The following PHC2 variants were observed in gnomAD, a reference collection of about 807,000 sequenced individuals.
The protein encoded by PHC2 is polyhomeotic-like protein 2.
In PHC2, 29 loss-of-function variants were observed where a neutral mutation model predicts 87.4. The observed-to-expected ratio is 0.33, with a 90% CI of 0.25 to 0.45. PHC2 has a LOEUF of 0.45. Ranked by LOEUF, PHC2 falls within the 20% of genes least tolerant of loss-of-function variation. The pLI, the probability that PHC2 is intolerant of heterozygous loss-of-function variation, is 1.00. For missense variants in PHC2, 857 were observed against 1,136.7 expected (o/e 0.75, Z 3.54); for synonymous variants, 438 against 461.7 (o/e 0.95, Z 0.66).
At chr1:33,327,480 T>C (rs1646396982) in intron 14 of PHC2, among the ~76,000 whole-genome samples, 1 of 152,178 alleles carries the variant, frequency 6.6e-6, no homozygotes, top group Non-Finnish European at 1.5e-5. Flanking sequence ...CTACATGGCT[T>C]GTCTCTGAAT....
At chr1:33,419,446 C>T (rs572593632) in intron 1 of PHC2, among the ~76,000 whole-genome samples, 7 of 152,286 alleles carry the variant, frequency 4.6e-5, no homozygotes, top group East Asian at 1.9e-4. Context: ...GGAGGTTCTA[C>T]GGAAGAATCT....
rs1368357927 is a variant in PHC2 at position 33,332,417 on chromosome 1, T to G, written c.1762-13A>C. 6.2e-7 allele frequency: 1 copy of G among 1,613,946 alleles called. No individual in the cohort carries two copies. The highest frequency in any genetic ancestry group is 8.5e-7 in the Non-Finnish European group (1 of 1,179,924). On this transcript the variant is annotated splice_polypyrimidine_tract_variant and intron_variant, in intron 10 of 14. Transcript: ENST00000683057. The surrounding 1 kb of genome is among the most constrained non-coding windows in gnomAD (Gnocchi z 4.2). ...ACGAGCGTCCCACCTAGAGGACAGG[T>G]AACACGGAGGCCGTGAGGGTCAGGT...
At chr1:33,356,913 C>T (rs537099763) in intron 7 of PHC2, among the ~76,000 whole-genome samples, 5 of 152,266 alleles carry the variant, frequency 3.3e-5, no homozygotes, top group South Asian at 2.1e-4. Flanking sequence ...GGCGGCCGGG[C>T]GGGGGCTGCC....
chr1:33,374,814 T>A (rs572282506), intron 2 of PHC2, among the ~76,000 whole-genome samples: 1 of 152,324 alleles, frequency 6.6e-6, no homozygotes, highest in East Asian at 1.9e-4. Context: ...AACTACAGAA[T>A]TGTGCCTAAT....
At chr1:33,390,377 TA>T (rs1390355693) in intron 1 of PHC2, among the ~76,000 whole-genome samples, 2 of 152,226 alleles carry the variant, frequency 1.3e-5, no homozygotes, top group African/African-American at 4.8e-5. Context: ...GTTACTAGAG[TA>T]AATTCCATTA....
chr1:33,354,942 T>C lies in PHC2; in HGVS notation c.1288A>G (p.Thr430Ala). The C allele has an allele frequency of 6.2e-7, 1 of 1,614,156 alleles. No individual in the cohort carries two copies. The highest frequency in any genetic ancestry group is 8.5e-7 in the Non-Finnish European group (1 of 1,180,034). ...TCGGGATGTCCATTCTGAGGCCCAG[T>C]ATCAGGTGTGGGAGGGTGACACTGC... ...SQQCHPPTPD[T>A]GPQNGHPEGV... is the part of the protein sequence containing the mutation. Residue 430 changes from threonine to alanine, a missense_variant, in exon 8 of 15, where the codon ACT becomes GCT. Physicochemically the swap from Thr to Ala is moderately conservative, Grantham distance 58. Transcript: ENST00000683057.
intron 7 of PHC2, among the ~76,000 whole-genome samples, chr1:33,356,862 G>GGTT (rs1413361320): frequency 6.6e-6 from 1 of 152,110 alleles, no homozygotes; most frequent in Non-Finnish European, 1.5e-5. Flanking sequence ...TCCCAGACAG[G>GGTT]GCGGCCAGGC....
intron 7 of PHC2, among the ~76,000 whole-genome samples, chr1:33,360,491 T>C (rs1470144140): frequency 3.3e-5 from 5 of 152,364 alleles, no homozygotes; most frequent in Admixed American, 2.0e-4. Context: ...GATAAATTGC[T>C]CAACCTCTCT....
In PHC2 at chr1:33,382,055, C is replaced by T. The variant is rs1648520064; in HGVS notation, c.-54-6462G>A. ...AGGTGAAGTTTGCCCTGCAGAGAAA[C>T]CAGAAGCTAGGGTCCTGCCATATGT... is the stretch of plus-strand genomic sequence containing the variant. On this transcript the variant is annotated intron_variant, in intron 1 of 14. Coordinates refer to ENST00000683057, the MANE Select transcript of PHC2 (RefSeq NM_001385109.1). The surrounding 1 kb of genome is among the most constrained non-coding windows in gnomAD (Gnocchi z 4.3). Among the ~76,000 whole-genome samples, 1 of 152,056 alleles carries T rather than the reference C, an allele frequency of 6.6e-6. No individual in the cohort carries two copies. The highest frequency in any genetic ancestry group is 2.1e-4 in the South Asian group (1 of 4,802).
In PHC2 at chr1:33,349,802, G is replaced by C. The variant is rs1646927268; in HGVS notation, c.1558+4599C>G. The C allele has an allele frequency of 5.1e-6, 5 of 976,260 alleles. No homozygotes were observed. The East Asian group carries it at 4.7e-4, about 91-fold the overall frequency. 60.5% of individuals were successfully genotyped at this position (976,260 alleles called of 1,614,324 possible). A position where few individuals can be genotyped will look rare whatever the true frequency, so the allele number is the denominator to read the frequency against. On this transcript the variant is annotated intron_variant, in intron 9 of 14. Coordinates refer to ENST00000683057, the MANE Select transcript of PHC2 (RefSeq NM_001385109.1). The surrounding 1 kb of genome is among the most constrained non-coding windows in gnomAD (Gnocchi z 4.2). ...GGCGGCCGGGGCGCGAGGCCGGGAC[G>C]GGGGCGCGAGGCCGGGGCGGGAGCG...
chr1:33,397,942 CTT>C lies in PHC2; in HGVS notation c.-54-22351_-54-22350del, dbSNP rs763836110. On this transcript the variant is annotated intron_variant, in intron 1 of 14. Transcript: ENST00000683057. ...GGAGGCATGCTTTTCACCGTATACT[CTT>C]TTGAATCTTTTGGACTTTGTTCCCT... is the stretch of plus-strand genomic sequence containing the variant. 1.7e-4 allele frequency among the ~76,000 whole-genome samples: 26 copies of C among 152,210 alleles called. No homozygotes were observed. In the East Asian group the frequency reaches 4.3e-3, roughly 25 times the overall value.
At chr1:33,418,406 T>C (rs1263032028) in intron 1 of PHC2, among the ~76,000 whole-genome samples, 7 of 152,028 alleles carry the variant, frequency 4.6e-5, no homozygotes, top group African/African-American at 1.7e-4. Flanking sequence ...TCACCAGTGA[T>C]AGGAATGAAA....
chr1:33,375,084 G>A (rs1392253491), intron 2 of PHC2, among the ~76,000 whole-genome samples: 1 of 152,188 alleles, frequency 6.6e-6, no homozygotes, highest in Non-Finnish European at 1.5e-5. Context: ...TAGAGAGTGG[G>A]TCTGGGTTGT....
intron 1 of PHC2, among the ~76,000 whole-genome samples, chr1:33,427,709 T>G (rs188710391): frequency 5.9e-5 from 9 of 152,370 alleles, no homozygotes; most frequent in Admixed American, 3.3e-4. Flanking sequence ...AGCTCAAAAC[T>G]TTTTCTTCTC....
Position 33,334,139 on chromosome 1 carries a change from G to C in PHC2, c.1712C>G (p.Thr571Arg). Residue 571 changes from threonine to arginine, a missense_variant, in exon 10 of 15, where the codon ACG becomes AGG. Physicochemically the swap from Thr to Arg is moderately conservative, Grantham distance 71. Coordinates refer to ENST00000683057, the MANE Select transcript of PHC2 (RefSeq NM_001385109.1). This position sits in a 1 kb window ranked among gnomAD's most constrained non-coding sequence, Gnocchi z 5.5. ...PQAIVKPQIL[T>R]HVIEGFVIQE... is the part of the protein sequence containing the mutation. ...GATCACAAACCCTTCGATAACATGC[G>C]TCAGGATTTGGGGTTTCACAATGGC... 6.2e-7 allele frequency: 1 copy of C among 1,613,942 alleles called. No homozygotes were observed. The highest frequency in any genetic ancestry group is 8.5e-7 in the Non-Finnish European group (1 of 1,179,948).
chr1:33,331,293 G>A lies in PHC2; in HGVS notation c.2006+55C>T. The A allele has an allele frequency of 1.1e-6, 1 of 944,808 alleles. No individual in the cohort carries two copies. Among genetic ancestry groups the A allele is most frequent in the South Asian group, 1.4e-5 (1 of 71,248 alleles). 58.5% of individuals were successfully genotyped at this position (944,808 alleles called of 1,614,324 possible). On this transcript the variant is annotated intron_variant, in intron 12 of 14. Coordinates refer to ENST00000683057, the MANE Select transcript of PHC2 (RefSeq NM_001385109.1). This position sits in a 1 kb window ranked among gnomAD's most constrained non-coding sequence, Gnocchi z 5.2. ...TCCTGGGGTAGACTATTAATGGCAG[G>A]AGGTGGGACATAAAGTGCAGTCCTG...
At chr1:33,402,790 T>C (rs539728804) in intron 1 of PHC2, among the ~76,000 whole-genome samples, 1 of 152,198 alleles carries the variant, frequency 6.6e-6, no homozygotes, top group African/African-American at 2.4e-5. Flanking sequence ...GTTTAGGAAG[T>C]CACTCATATG....
Position 33,342,167 on chromosome 1 carries a change from A to T in PHC2, c.1559-7875T>A, listed in dbSNP as rs539677826. 2.0e-5 allele frequency among the ~76,000 whole-genome samples: 3 copies of T among 152,332 alleles called. No homozygotes were observed. In the South Asian group the frequency reaches 6.2e-4, roughly 32 times the overall value. ...TTGCAGGGGGCTGGCCAGCAGGATG[A>T]AGGAGAGGCCAAGCCAGGGGACCCT... is the stretch of plus-strand genomic sequence containing the variant. On this transcript the variant is annotated intron_variant, in intron 9 of 14. Coordinates refer to ENST00000683057, the MANE Select transcript of PHC2 (RefSeq NM_001385109.1).
At chr1:33,412,979 G>T (rs921701445) in intron 1 of PHC2, among the ~76,000 whole-genome samples, 3 of 151,408 alleles carry the variant, frequency 2.0e-5, no homozygotes, top group African/African-American at 7.3e-5. Flanking sequence ...TTGTTTGTTT[G>T]TTTTGAGATG....
Sources: allele counts gnomAD v4.1 joint callset (sites outside exome capture counted in the v4.1 genomes callset), GRCh38; gene constraint gnomAD v4.1.1; non-coding constraint Gnocchi (gnomAD v3.1); transcripts MANE v1.5; gene names NCBI Gene and HGNC (gene_info 2026-07-23, HGNC 2026-07-21).